Variants in TACC2 observed in about 807,000 individuals in gnomAD.
TACC2 encodes the protein transforming acidic coiled-coil containing protein 2, also known as transforming acidic coiled-coil-containing protein 2.
Under a neutral mutation model 227.3 loss-of-function variants are expected in TACC2, and 137 were observed. The observed-to-expected ratio is 0.60, with a 90% CI of 0.52 to 0.69. The LOEUF is 0.69. Ranked by LOEUF, TACC2 falls within the 30% of genes least tolerant of loss-of-function variation. TACC2 has a pLI of 0.00. For missense variants in TACC2, 3,470 were observed against 3,694.4 expected (o/e 0.94, Z 1.57); for synonymous variants, 1,523 against 1,487.5 (o/e 1.02, Z -0.55).
At chr10:122,228,135 C>A in intron 14 of TACC2, 127 bp downstream of exon 14, 1 of 981,632 alleles carries the variant, frequency 1.0e-6, no homozygotes, top group Non-Finnish European at 1.5e-6. Context: ...CACCCTGACT[C>A]CCTGACCACA....
At chr10:122,049,393 CT>C (rs1170747954) in intron 2 of TACC2, among the ~76,000 whole-genome samples, 3 of 152,214 alleles carry the variant, frequency 2.0e-5, no homozygotes, top group Admixed American at 6.5e-5. Flanking sequence ...CCCACCAGAA[CT>C]GCCCTGGTTC....
intron 1 of TACC2, among the ~76,000 whole-genome samples, chr10:122,016,590 G>A (rs892530342): frequency 6.8e-6 from 1 of 147,702 alleles, no homozygotes; most frequent in Non-Finnish European, 1.5e-5. Context: ...AAAAAAGTCA[G>A]TCCCTGCACA....
At chr10:122,164,648 A>G (rs1413977977) in intron 7 of TACC2, among the ~76,000 whole-genome samples, 1 of 152,166 alleles carries the variant, frequency 6.6e-6, no homozygotes, top group Non-Finnish European at 1.5e-5. Flanking sequence ...CCGAGTGTTT[A>G]TTAGAATTCA....
Position 122,005,530 on chromosome 10 carries a change from G to A in TACC2, c.-46+16042G>A, listed in dbSNP as rs558951356. Among the ~76,000 whole-genome samples, 32 of 150,896 alleles carry A rather than the reference G, an allele frequency of 2.1e-4. No homozygotes were observed. The South Asian group carries it at 6.3e-3, about 30-fold the overall frequency. On this transcript the variant is annotated intron_variant, in intron 1 of 22. Transcript: ENST00000369005. Reference sequence around the variant, plus strand: ...CTCCCGAGTAGCTGGGACTACAGGCGCTCACCACCACGCCCGGCTGATTTT... The same window carrying A: ...CTCCCGAGTAGCTGGGACTACAGGCACTCACCACCACGCCCGGCTGATTTT...
At chr10:122,110,978 C>T (rs1176419626) in intron 5 of TACC2, among the ~76,000 whole-genome samples, 1 of 152,188 alleles carries the variant, frequency 6.6e-6, no homozygotes, top group African/African-American at 2.4e-5. Flanking sequence ...CACTCACATT[C>T]CCTGGCTCGT....
chr10:122,188,057 T>C (rs542768698), intron 7 of TACC2, among the ~76,000 whole-genome samples: 57 of 152,114 alleles, frequency 3.7e-4, no homozygotes, highest in Admixed American at 9.8e-4. Flanking sequence ...CCCCATTCTG[T>C]TGAGTCTCAG....
chr10:122,141,782 C>T lies in TACC2; in HGVS notation c.5700-1790C>T, dbSNP rs1279111129. Among the ~76,000 whole-genome samples the T allele has an allele frequency of 6.6e-6, 1 of 152,104 alleles. No homozygotes were observed. Among genetic ancestry groups the T allele is most frequent in the Non-Finnish European group, 1.5e-5 (1 of 68,036 alleles). On this transcript the variant is annotated intron_variant, in intron 6 of 22. Transcript: ENST00000369005. The surrounding 1 kb of genome is among the most constrained non-coding windows in gnomAD (Gnocchi z 4.3). ...AACCACAAACAATACCACCTTTCCA[C>T]AATTTGCATTAAACTAAGTAAAATC...
At chr10:121,996,559 G>A (rs972331898) in intron 1 of TACC2, among the ~76,000 whole-genome samples, 12 of 152,116 alleles carry the variant, frequency 7.9e-5, no homozygotes, top group African/African-American at 2.9e-4. Context: ...GAGAGAAGAG[G>A]AATGAAACAG....
intron 7 of TACC2, among the ~76,000 whole-genome samples, chr10:122,152,318 C>T (rs1436344588): frequency 6.6e-6 from 1 of 152,174 alleles, no homozygotes; most frequent in African/African-American, 2.4e-5. Context: ...AGAATGATTT[C>T]TTAAAGAGGG....
chr10:122,091,168 C>T (rs1000775976), intron 5 of TACC2, among the ~76,000 whole-genome samples: 3 of 152,052 alleles, frequency 2.0e-5, no homozygotes, highest in East Asian at 3.9e-4. Flanking sequence ...TAGAGCTGCT[C>T]GGTCTAGCAT....
At chr10:122,004,446 A>G (rs112537107) in intron 1 of TACC2, among the ~76,000 whole-genome samples, 269 of 152,112 alleles carry the variant, frequency 1.8e-3, no homozygotes, top group African/African-American at 6.1e-3. Context: ...AAAGATTTAC[A>G]ACTTCCCCAA....
chr10:122,055,607 G>A (rs2076145860), intron 3 of TACC2, among the ~76,000 whole-genome samples: 1 of 152,130 alleles, frequency 6.6e-6, no homozygotes, highest in Non-Finnish European at 1.5e-5. Flanking sequence ...TAACTAATGG[G>A]TACTAGGCTT....
At chr10:122,203,406 G>A (rs1288431757) in intron 8 of TACC2, among the ~76,000 whole-genome samples, 2 of 150,046 alleles carry the variant, frequency 1.3e-5, no homozygotes, top group Non-Finnish European at 3.0e-5. Context: ...GCGGCTGGCT[G>A]GGCGGGCGGC....
At chr10:122,212,244 C>G (rs2141044180) in intron 9 of TACC2, among the ~76,000 whole-genome samples, 1 of 152,342 alleles carries the variant, frequency 6.6e-6, no homozygotes, top group African/African-American at 2.4e-5. Context: ...TCCAACCAGC[C>G]CGTAAGAAAC....
intron 1 of TACC2, among the ~76,000 whole-genome samples, chr10:122,018,483 A>G (rs1043129328): frequency 6.6e-6 from 1 of 152,110 alleles, no homozygotes; most frequent in Non-Finnish European, 1.5e-5. Context: ...CACCACTTCT[A>G]TTTAGTTCCA....
chr10:122,225,386 G>A (rs1409953820), intron 12 of TACC2, among the ~76,000 whole-genome samples: 2 of 152,210 alleles, frequency 1.3e-5, no homozygotes, highest in African/African-American at 2.4e-5. Context: ...CATAGATGCC[G>A]GGGTTACTGC....
At chr10:122,038,827 AC>A (rs1404018205) in intron 2 of TACC2, among the ~76,000 whole-genome samples, 1 of 152,050 alleles carries the variant, frequency 6.6e-6, no homozygotes, top group Non-Finnish European at 1.5e-5. Flanking sequence ...AATAATTAAA[AC>A]CATTTTCTTT....
In TACC2 at chr10:122,182,102, G is replaced by A. The variant is rs554217905; in HGVS notation, c.5835-12938G>A. The stretch of plus-strand genomic sequence containing the variant: ...ATGTGCCAAATCATGATTGAGACTC[G>A]TTGAGACACACAGTAGACCACAGGT... On this transcript the variant is annotated intron_variant, in intron 7 of 22. Transcript: ENST00000369005. Among the ~76,000 whole-genome samples the A allele has an allele frequency of 2.3e-3, 352 of 152,276 alleles. 1 individual carries two copies. The highest frequency in any genetic ancestry group is 8.4e-3 in the African/African-American group (347 of 41,552).
At chr10:122,012,390 A>G (rs971859939) in intron 1 of TACC2, among the ~76,000 whole-genome samples, 6 of 134,984 alleles carry the variant, frequency 4.4e-5, no homozygotes, top group Non-Finnish European at 9.2e-5. Flanking sequence ...ACTGCACTCC[A>G]GCCTGGTGCC....
Sources: allele counts gnomAD v4.1 joint callset (sites outside exome capture counted in the v4.1 genomes callset), GRCh38; gene constraint gnomAD v4.1.1; non-coding constraint Gnocchi (gnomAD v3.1); transcripts MANE v1.5; gene names NCBI Gene and HGNC (gene_info 2026-07-23, HGNC 2026-07-21).